TXNDC5: variants seen among roughly 807,000 people sequenced by gnomAD.
TXNDC5 encodes the protein thioredoxin domain-containing protein 5.
A neutral mutation model predicts 52.6 loss-of-function variants in TXNDC5; 44 were observed. The observed-to-expected ratio is 0.84, with a 90% CI of 0.66 to 1.08. TXNDC5 has a LOEUF of 1.08. Among genes scored for constraint, TXNDC5 ranks in the 50% least tolerant of loss-of-function variants. The pLI is 0.00. For synonymous variants in TXNDC5, 241 were observed against 234.4 expected, an observed-to-expected ratio of 1.03 and a Z score of -0.26; for missense variants, 600 against 565.5, an observed-to-expected ratio of 1.06 and a Z score of -0.62.
chr6:7,884,374 G>T lies in TXNDC5; in HGVS notation c.1161C>A (p.Ile387=). The T allele has an allele frequency of 6.2e-7, 1 of 1,614,114 alleles. No individual in the cohort carries two copies. The highest frequency in any genetic ancestry group is 8.5e-7 in the Non-Finnish European group (1 of 1,179,998). The change falls in exon 9 of 10, where the codon ATC becomes ATA. Residue 387 remains isoleucine (I), a synonymous_variant. Transcript: ENST00000379757. ...AAGTACCCACCGAATACTTGCTGCAGATATTCCGTTCAGCAGTGCAGTCTA... is the reference window on the plus strand; with the variant it reads ...AAGTACCCACCGAATACTTGCTGCATATATTCCGTTCAGCAGTGCAGTCTA... ...AEVDCTAERN[I]CSKYSVRGYP... is the part of the protein sequence containing the mutation.
intron 4 of TXNDC5, among the ~76,000 whole-genome samples, chr6:7,892,992 C>G (rs1358594778): frequency 6.6e-6 from 1 of 152,162 alleles, no homozygotes; most frequent in Non-Finnish European, 1.5e-5. Flanking sequence ...ACAGTGTGAC[C>G]ACGCTATAAA....
In TXNDC5 at chr6:7,903,693, T is replaced by C. The variant is rs911216452; in HGVS notation, c.413+881A>G. 5.3e-5 allele frequency among the ~76,000 whole-genome samples: 8 copies of C among 152,358 alleles called. No homozygotes were observed. The South Asian group carries it at 8.3e-4, about 16-fold the overall frequency. Reference sequence around the variant, plus strand: ...TTATTCAATTAAGCAATAAATTGTATAGAATTGACTTCATTCCTCAATTGA... The same window carrying C: ...TTATTCAATTAAGCAATAAATTGTACAGAATTGACTTCATTCCTCAATTGA... On this transcript the variant is annotated intron_variant, in intron 2 of 9. Coordinates refer to ENST00000379757, the MANE Select transcript of TXNDC5 (RefSeq NM_030810.5).
chr6:7,904,357 C>A (rs1471660132), intron 2 of TXNDC5, among the ~76,000 whole-genome samples: 1 of 152,164 alleles, frequency 6.6e-6, no homozygotes, highest in Non-Finnish European at 1.5e-5. Context: ...CAAACACATT[C>A]TCTTATAAAC....
chr6:7,909,653 T>C (rs28714423), intron 1 of TXNDC5, among the ~76,000 whole-genome samples: 3 of 152,148 alleles, frequency 2.0e-5, no homozygotes, highest in African/African-American at 7.2e-5. Flanking sequence ...TGAGGACCAG[T>C]GGGCTCCGTT....
chr6:7,886,154 T>C, intron 7 of TXNDC5, 111 bp from the exon 8 acceptor site: 1 of 874,312 alleles, frequency 1.1e-6, no homozygotes, highest in Non-Finnish European at 1.8e-6. Context: ...TGCAGTTACG[T>C]AGGCTCCAAG....
At chr6:7,886,341 T>C (rs935212043) in intron 7 of TXNDC5, among the ~76,000 whole-genome samples, 8 of 152,010 alleles carry the variant, frequency 5.3e-5, no homozygotes, top group African/African-American at 1.9e-4. Flanking sequence ...GACTGTCTTT[T>C]GGGGATGAGG....
In TXNDC5 at chr6:7,882,154, T is replaced by TAAAAGGACTACTGA. The variant is rs1038835996; in HGVS notation, c.*976_*989dup. ...AAGCAGACCAAGTATAGCAAGCCTCTAAAAGGACTACTGAGAAACAGAATC... is the reference window on the plus strand; with the variant it reads ...AAGCAGACCAAGTATAGCAAGCCTCTAAAAGGACTACTGAAAAAGGACTACTGAGAAACAGAATC... On this transcript the variant is annotated 3_prime_UTR_variant, in exon 10 of 10. Transcript: ENST00000379757. 3.3e-5 allele frequency: 5 copies of TAAAAGGACTACTGA among 152,714 alleles called. No individual in the cohort carries two copies. The highest frequency in any genetic ancestry group is 9.6e-5 in the African/African-American group (4 of 41,550). 9.5% of individuals were successfully genotyped at this position (152,714 alleles called of 1,614,324 possible).
At chr6:7,895,300 C>T in intron 3 of TXNDC5, 98 bp from the exon 4 acceptor site, 2 of 1,030,744 alleles carry the variant, frequency 1.9e-6, no homozygotes, top group Admixed American at 2.4e-5. Flanking sequence ...CCTGCAGATG[C>T]CTCCCTCACC....
intron 2 of TXNDC5, among the ~76,000 whole-genome samples, chr6:7,904,348 A>G (rs1760668723): frequency 2.0e-5 from 3 of 152,178 alleles, no homozygotes; most frequent in Admixed American, 2.0e-4. Flanking sequence ...TTTCTCTTGC[A>G]AACACATTCT....
intron 3 of TXNDC5, among the ~76,000 whole-genome samples, chr6:7,896,458 A>G (rs1434495316): frequency 2.0e-5 from 3 of 152,230 alleles, no homozygotes; most frequent in South Asian, 2.1e-4. Flanking sequence ...CATTAAGTGT[A>G]TATTACTCAG....
intron 1 of TXNDC5, among the ~76,000 whole-genome samples, chr6:7,905,627 A>G (rs1760704992): frequency 6.6e-6 from 1 of 152,274 alleles, no homozygotes; most frequent in Non-Finnish European, 1.5e-5. Flanking sequence ...ACAGCTGACC[A>G]CAGCTCTTGC....
At chr6:7,907,816 C>T (rs920766815) in intron 1 of TXNDC5, among the ~76,000 whole-genome samples, 7 of 152,180 alleles carry the variant, frequency 4.6e-5, no homozygotes, top group Non-Finnish European at 8.8e-5. Flanking sequence ...GATCTTGCCC[C>T]TGCTGACCTC....
chr6:7,897,054 C>T (rs1274881821), intron 3 of TXNDC5, among the ~76,000 whole-genome samples: 7 of 152,090 alleles, frequency 4.6e-5, no homozygotes, highest in Admixed American at 4.6e-4. Context: ...TAAACTTGTT[C>T]CCTACATCAT....
Position 7,882,093 on chromosome 6 carries a change from T to TC in TXNDC5, c.*1050dup, listed in dbSNP as rs898525660. On this transcript the variant is annotated 3_prime_UTR_variant, in exon 10 of 10. Coordinates refer to ENST00000379757, the MANE Select transcript of TXNDC5 (RefSeq NM_030810.5). ...GTCTTTGGTCTTGAGATCAAATGCA[T>TC]CCCATTCTTCATACATTAGAAGGTC... The TC allele has an allele frequency of 3.3e-5, 5 of 152,570 alleles. No individual in the cohort carries two copies. Among genetic ancestry groups the TC allele is most frequent in the Admixed American group, 3.3e-4 (5 of 15,262 alleles). The allele number at this position is 152,570 out of a possible 1,614,324, so 9.5% of individuals were successfully genotyped here.
chr6:7,905,657 G>A (rs780273058), intron 1 of TXNDC5, among the ~76,000 whole-genome samples: 50 of 152,310 alleles, frequency 3.3e-4, no homozygotes, highest in Admixed American at 1.1e-3. Flanking sequence ...TGGACAGTAT[G>A]TCTACAGTGC....
intron 5 of TXNDC5, among the ~76,000 whole-genome samples, chr6:7,891,209 G>A (rs555105786): frequency 4.6e-5 from 7 of 152,310 alleles, no homozygotes; most frequent in Admixed American, 4.6e-4. Flanking sequence ...AGTGCAAACT[G>A]AGGGAGGGTC....
chr6:7,887,911 A>G (rs1760053680), intron 7 of TXNDC5, among the ~76,000 whole-genome samples: 1 of 152,038 alleles, frequency 6.6e-6, no homozygotes. Flanking sequence ...CTATCTGTCC[A>G]GCACAGATCC....
At chr6:7,899,526 A>T (rs1378224621) in intron 3 of TXNDC5, 50 bp downstream of exon 3, 1 of 1,152,314 alleles carries the variant, frequency 8.7e-7, no homozygotes, top group Non-Finnish European at 1.2e-6. Flanking sequence ...AGATGTAGGC[A>T]GGGAGAGAGG....
At chr6:7,884,209 T>C (rs368491886) in intron 9 of TXNDC5, 150 bp downstream of exon 9, 3 of 1,057,994 alleles carry the variant, frequency 2.8e-6, no homozygotes, top group Non-Finnish European at 4.1e-6. Context: ...GAGGATCTCT[T>C]TTGCTTCTCC....
Sources: gnomAD v4.1 joint callset for allele counts (sites outside exome capture counted in the v4.1 genomes callset) on GRCh38, gnomAD v4.1.1 for gene constraint, MANE v1.5 for transcripts, NCBI Gene and HGNC (gene_info 2026-07-23, HGNC 2026-07-21) for gene names.